Variants in CA13 observed in about 807,000 individuals in gnomAD.
CA13 encodes CA-XIII.
Under a neutral mutation model 31.5 loss-of-function variants are expected in CA13, and 21 were observed. That is an observed-to-expected ratio of 0.67 (90% CI 0.47 to 0.96). The LOEUF is 0.96. CA13 is among the 40% of genes least tolerant of loss of function. The pLI, the probability that CA13 is intolerant of heterozygous loss-of-function variation, is 0.00. For synonymous variants in CA13, 117 were observed against 111.4 expected (o/e 1.05, Z -0.32); for missense variants, 315 against 318.9 (o/e 0.99, Z 0.09).
At chr8:85,272,025 G>A (rs1014837702) in intron 6 of CA13, among the ~76,000 whole-genome samples, 5 of 152,100 alleles carry the variant, frequency 3.3e-5, no homozygotes, top group South Asian at 4.2e-4. Flanking sequence ...CCCATATTGC[G>A]CCGCTGTACT....
chr8:85,272,498 T>C (rs1807540218), intron 6 of CA13, among the ~76,000 whole-genome samples: 2 of 152,144 alleles, frequency 1.3e-5, no homozygotes, highest in African/African-American at 4.8e-5. Flanking sequence ...TCAAGTGATC[T>C]ACCCATCTTA....
At chr8:85,248,581 G>A (rs150220479) in intron 1 of CA13, among the ~76,000 whole-genome samples, 1 of 152,106 alleles carries the variant, frequency 6.6e-6, no homozygotes, top group African/African-American at 2.4e-5. Context: ...AGGGTCATGG[G>A]GGGGACAAGG....
At chr8:85,275,735 C>T (rs908196391) in intron 6 of CA13, among the ~76,000 whole-genome samples, 4 of 152,214 alleles carry the variant, frequency 2.6e-5, no homozygotes, top group African/African-American at 4.8e-5. Context: ...TTACGACTAC[C>T]GGATACTCCT....
chr8:85,254,520 T>G (rs1433628773), intron 2 of CA13, among the ~76,000 whole-genome samples: 3 of 152,150 alleles, frequency 2.0e-5, no homozygotes, highest in Non-Finnish European at 2.9e-5. Context: ...TTTCCAGATT[T>G]GACACTTAGT....
chr8:85,267,601 C>T (rs573731118), intron 4 of CA13, among the ~76,000 whole-genome samples: 49 of 152,258 alleles, frequency 3.2e-4, no homozygotes, highest in Non-Finnish European at 5.1e-4. Context: ...CAAAGTTTCT[C>T]TCAAGTTAAC....
intron 2 of CA13, among the ~76,000 whole-genome samples, chr8:85,254,289 A>AT (rs1554689141): frequency 2.6e-5 from 4 of 151,650 alleles, no homozygotes; most frequent in African/African-American, 9.7e-5. Flanking sequence ...AAAAAAAAAA[A>AT]AAGTAAAGCT....
intron 3 of CA13, among the ~76,000 whole-genome samples, chr8:85,266,215 A>T (rs972955970): frequency 1.6e-4 from 25 of 152,096 alleles, no homozygotes; most frequent in African/African-American, 5.8e-4. Flanking sequence ...TTCTGATATG[A>T]AGTGTCGCTC....
intron 2 of CA13, among the ~76,000 whole-genome samples, chr8:85,256,033 CAA>C (rs35932814): frequency 4.1e-5 from 3 of 73,096 alleles, no homozygotes; most frequent in Non-Finnish European, 5.7e-5. Flanking sequence ...GTTTAAGTTA[CAA>C]AAAAAAAAAA....
chr8:85,274,130 C>T (rs1807567144), intron 6 of CA13, among the ~76,000 whole-genome samples: 1 of 152,134 alleles, frequency 6.6e-6, no homozygotes. Flanking sequence ...TATTCACCCC[C>T]TGCCCAGCTT....
In CA13 at chr8:85,257,050, A is replaced by G. The variant is rs549687629; in HGVS notation, c.236-2371A>G. ...CAAGCAAATTGCAGATGTGCTGTTC[A>G]TGTATCTTTACTTCAGAGAACAAGT... On this transcript the variant is annotated intron_variant, in intron 2 of 6. Coordinates refer to ENST00000321764, the MANE Select transcript of CA13 (RefSeq NM_198584.3). 4.6e-5 allele frequency among the ~76,000 whole-genome samples: 7 copies of G among 152,202 alleles called. No homozygotes were observed. In the South Asian group the frequency reaches 1.2e-3, roughly 27 times the overall value.
chr8:85,260,652 TAAAATGTAC>T (rs149867230), intron 3 of CA13, among the ~76,000 whole-genome samples: 546 of 152,296 alleles, frequency 3.6e-3, no homozygotes, highest in Admixed American at 6.2e-3. Context: ...GGTAGAGAAA[TAAAATGTAC>T]GTACAAAGTT....
chr8:85,273,945 A>G lies in CA13; in HGVS notation c.669+5318A>G, dbSNP rs528844571. On this transcript the variant is annotated intron_variant, in intron 6 of 6. Transcript: ENST00000321764. ...AGGCGTTTTATAGTCTCCTGTAAAC[A>G]AGAAGTGTCTCAGTCTGATGTAACT... 2.0e-5 allele frequency among the ~76,000 whole-genome samples: 3 copies of G among 152,064 alleles called. No individual in the cohort carries two copies. In the South Asian group the frequency reaches 6.2e-4, roughly 32 times the overall value.
intron 1 of CA13, chr8:85,249,877 C>T: frequency 2.3e-6 from 1 of 441,612 alleles, no homozygotes; most frequent in South Asian, 1.6e-5. Context: ...ATAGAGTCTT[C>T]CAAAGAAGTG....
At chr8:85,256,034 A>T (rs2129960757) in intron 2 of CA13, among the ~76,000 whole-genome samples, 1 of 132,474 alleles carries the variant, frequency 7.5e-6, no homozygotes, top group South Asian at 2.3e-4. Context: ...TTTAAGTTAC[A>T]AAAAAAAAAA....
In CA13 at chr8:85,267,902, A is replaced by G; in HGVS notation, c.451A>G (p.Ile151Val). The G allele has an allele frequency of 6.3e-7, 1 of 1,588,158 alleles. No homozygotes were observed. Among genetic ancestry groups the G allele is most frequent in the Non-Finnish European group, 8.6e-7 (1 of 1,160,170 alleles). ...GLAVLGVFLQ[I>V]GEPNSQLQKI... is the part of the protein sequence containing the mutation. ...TTCTTTTGAAATTTCATGTTTTTAG[A>G]TTGGTGAACCTAATTCCCAACTGCA... is the stretch of plus-strand genomic sequence containing the variant. Residue 151 changes from isoleucine (I) to valine (V), a missense_variant and splice_region_variant, in exon 5 of 7, where the codon ATT (isoleucine) becomes GTT (valine). Ile to Val is a conservative substitution (Grantham distance 29). Transcript: ENST00000321764.
Position 85,283,536 on chromosome 8 carries a change from T to C in CA13, c.*2187T>C, listed in dbSNP as rs567021566. The C allele has an allele frequency of 6.5e-5, 10 of 152,784 alleles. No individual in the cohort carries two copies. In the East Asian group the frequency reaches 1.2e-3, roughly 18 times the overall value. The allele number at this position is 152,784 out of a possible 1,614,324, so 9.5% of individuals were successfully genotyped here. A position where few individuals can be genotyped will look rare whatever the true frequency, so the allele number is the denominator to read the frequency against. ...AGTAAAATACATTGTCTTTTGAAAA[T>C]AGTTTCTTTTTAAAGGAATACTAAT... On this transcript the variant is annotated 3_prime_UTR_variant, in exon 7 of 7. Transcript: ENST00000321764.
chr8:85,245,687 C>T lies in CA13; in HGVS notation c.-142C>T. 2.1e-6 allele frequency: 2 copies of T among 936,038 alleles called. No individual in the cohort carries two copies. The highest frequency in any genetic ancestry group is 2.9e-5 in the South Asian group (2 of 68,230). The allele number at this position is 936,038 out of a possible 1,614,324, so 58.0% of individuals were successfully genotyped here. ...CTGGAGGACGCAGGCGGGAGCGCCC[C>T]GGACCGGGTTCACGGTCTCGCACTC... On this transcript the variant is annotated 5_prime_UTR_variant, in exon 1 of 7. Coordinates refer to ENST00000321764, the MANE Select transcript of CA13 (RefSeq NM_198584.3).
chr8:85,253,278 T>G (rs1343603483), intron 2 of CA13, among the ~76,000 whole-genome samples: 1 of 150,132 alleles, frequency 6.7e-6, no homozygotes, highest in Non-Finnish European at 1.5e-5. Context: ...TTTATTTATT[T>G]TTTTGAGACA....
intron 6 of CA13, among the ~76,000 whole-genome samples, chr8:85,278,214 C>T (rs1166110720): frequency 2.2e-5 from 3 of 134,850 alleles, no homozygotes; most frequent in South Asian, 2.3e-4. Flanking sequence ...TGCAGTGAGT[C>T]GAGATTATGC....
Sources: gnomAD v4.1 joint callset for allele counts (sites outside exome capture counted in the v4.1 genomes callset) on GRCh38, gnomAD v4.1.1 for gene constraint, MANE v1.5 for transcripts, NCBI Gene and HGNC (gene_info 2026-07-23, HGNC 2026-07-21) for gene names.